Variants in GTF2B observed in about 807,000 individuals in gnomAD.
GTF2B encodes the protein general transcription factor IIB, also known as transcription initiation factor IIB.
GTF2B carries 20 observed loss-of-function variants against 34.6 expected under a neutral mutation model. The observed-to-expected ratio is 0.58, with a 90% CI of 0.41 to 0.84. GTF2B has a LOEUF of 0.84. Ranked by LOEUF, GTF2B falls within the 40% of genes least tolerant of loss-of-function variation. The probability of loss-of-function intolerance (pLI) is 0.00; values close to 1 mark genes in which losing one functional copy is unlikely to be tolerated. For synonymous variants in GTF2B, 142 were observed against 132.4 expected, an observed-to-expected ratio of 1.07 and a Z score of -0.50; for missense variants, 237 against 393.3, an observed-to-expected ratio of 0.60 and a Z score of 3.36.
Position 88,887,343 on chromosome 1 carries a change from T to A in GTF2B, c.42A>T (p.Thr14=). 3 of 1,609,488 alleles carry A rather than the reference T, an allele frequency of 1.9e-6. No homozygotes were observed. The highest frequency in any genetic ancestry group is 2.6e-6 in the Non-Finnish European group (3 of 1,175,780). The change falls in exon 2 of 7, where the codon ACA becomes ACT. Residue 14 remains threonine (T), a synonymous_variant. Coordinates refer to ENST00000370500, the MANE Select transcript of GTF2B (RefSeq NM_001514.6). The stretch of plus-strand genomic sequence containing the variant: ...AAATCGCATCTGGATGGTTTGGACA[T>A]GTGACTCTTGGAAGAGCATCCAAAC... The part of the protein sequence containing the change: ...TSRLDALPRV[T]CPNHPDAILV...
At chr1:88,883,654 T>A (rs1049719715) in intron 2 of GTF2B, among the ~76,000 whole-genome samples, 21 of 151,728 alleles carry the variant, frequency 1.4e-4, no homozygotes, top group Non-Finnish European at 2.7e-4. Flanking sequence ...AGAGTGAGAC[T>A]CTGTCTCAAA....
At position 88,856,209 on chromosome 1, in the gene GTF2B, A is replaced by G. The variant is rs529382012; in HGVS notation, c.817+997T>C. 2.1e-5 allele frequency among the ~76,000 whole-genome samples: 3 copies of G among 140,684 alleles called. No homozygotes were observed. In the East Asian group the frequency reaches 7.0e-4, roughly 33 times the overall value. The allele number at this position is 140,684 out of a possible 152,430, so 92.3% of individuals were successfully genotyped here. A position where few individuals can be genotyped will look rare whatever the true frequency, so the allele number is the denominator to read the frequency against. On this transcript the variant is annotated intron_variant, in intron 6 of 6. Transcript: ENST00000370500. ...AGCTTGTCCGGGAGGTGGAGGTTGC[A>G]GTAAGCTGAGATTGTGCCACTGTAC...
At chr1:88,886,696 A>G (rs140638278) in intron 2 of GTF2B, among the ~76,000 whole-genome samples, 1 of 152,308 alleles carries the variant, frequency 6.6e-6, no homozygotes, top group Non-Finnish European at 1.5e-5. Context: ...GACTTATGAA[A>G]TTACTGGGGC....
chr1:88,869,115 A>G (rs1047846207), intron 2 of GTF2B, among the ~76,000 whole-genome samples: 1 of 150,304 alleles, frequency 6.7e-6, no homozygotes, highest in African/African-American at 2.5e-5. Flanking sequence ...GCCTGTACTG[A>G]ACATGTACAG....
At chr1:88,855,872 TG>T (rs1395221344) in intron 6 of GTF2B, among the ~76,000 whole-genome samples, 1 of 152,286 alleles carries the variant, frequency 6.6e-6, no homozygotes. Flanking sequence ...GCCAGGAGGC[TG>T]GTCACCGCAC....
chr1:88,867,098 A>G (rs1391313853), intron 2 of GTF2B, among the ~76,000 whole-genome samples: 1 of 152,208 alleles, frequency 6.6e-6, no homozygotes, highest in Non-Finnish European at 1.5e-5. Flanking sequence ...TGCAGTGAGT[A>G]CTATTCACCA....
At chr1:88,880,328 C>A (rs929131590) in intron 2 of GTF2B, among the ~76,000 whole-genome samples, 3 of 152,094 alleles carry the variant, frequency 2.0e-5, no homozygotes, top group African/African-American at 7.2e-5. Context: ...AATATTTGCC[C>A]ACCTTGATTT....
At chr1:88,871,011 C>T (rs557880976) in intron 2 of GTF2B, among the ~76,000 whole-genome samples, 6 of 151,286 alleles carry the variant, frequency 4.0e-5, no homozygotes, top group African/African-American at 1.2e-4. Context: ...AAGCGATTCT[C>T]CTGCCTTGGC....
At chr1:88,872,455 TA>T (rs34668666) in intron 2 of GTF2B, among the ~76,000 whole-genome samples, 5,777 of 74,430 alleles carry the variant, frequency 0.078, 91 homozygotes, top group African/African-American at 0.14. Flanking sequence ...TCCATCTCAA[TA>T]AAAAAAAAAA....
At chr1:88,878,387 A>C (rs1329642675) in intron 2 of GTF2B, among the ~76,000 whole-genome samples, 1 of 152,252 alleles carries the variant, frequency 6.6e-6, no homozygotes, top group African/African-American at 2.4e-5. Context: ...TTTCAAATAA[A>C]AATCTTGTAA....
Position 88,855,359 on chromosome 1 carries a change from G to GTTTTTTT in GTF2B, c.817+1840_817+1846dup, listed in dbSNP as rs750561898. Among the ~76,000 whole-genome samples the GTTTTTTT allele has an allele frequency of 2.0e-4, 25 of 124,158 alleles. 1 individual carries two copies. The highest frequency in any genetic ancestry group is 7.0e-4 in the East Asian group (3 of 4,272). 81.5% of individuals were successfully genotyped at this position (124,158 alleles called of 152,430 possible). A position where few individuals can be genotyped will look rare whatever the true frequency, so the allele number is the denominator to read the frequency against. ...GGCCAGTAATTCACTTTCTGTTTTT[G>GTTTTTTT]TTTTTTTTTTTTTTTTTTGAGACAG... is the stretch of plus-strand genomic sequence containing the variant. On this transcript the variant is annotated intron_variant, in intron 6 of 6. Transcript: ENST00000370500.
chr1:88,877,753 G>A (rs984253389), intron 2 of GTF2B, among the ~76,000 whole-genome samples: 2 of 152,146 alleles, frequency 1.3e-5, no homozygotes, highest in Non-Finnish European at 2.9e-5. Context: ...CCTATATGGC[G>A]AAACCCTATC....
intron 2 of GTF2B, among the ~76,000 whole-genome samples, chr1:88,873,629 TGACCCA>T (rs1673749572): frequency 6.6e-6 from 1 of 152,240 alleles, no homozygotes; most frequent in African/African-American, 2.4e-5. Context: ...TAGGCTAGTA[TGACCCA>T]AGCTCCTTCT....
intron 2 of GTF2B, among the ~76,000 whole-genome samples, chr1:88,886,263 A>C (rs1235440047): frequency 2.0e-5 from 3 of 152,156 alleles, no homozygotes; most frequent in Non-Finnish European, 4.4e-5. Context: ...GCCACTACTA[A>C]TGCTTCTGTT....
chr1:88,882,354 A>G (rs1673971338), intron 2 of GTF2B, among the ~76,000 whole-genome samples: 1 of 146,422 alleles, frequency 6.8e-6, no homozygotes, highest in African/African-American at 2.5e-5. Flanking sequence ...AGAGGTTAGG[A>G]GAGCTAAGAA....
Position 88,864,058 on chromosome 1 carries a change from T to A in GTF2B, c.181A>T (p.Thr61Ser). 6.2e-7 allele frequency: 1 copy of A among 1,613,668 alleles called. No individual in the cohort carries two copies. Among genetic ancestry groups the A allele is most frequent in the East Asian group, 2.2e-5 (1 of 44,870 alleles). Residue 61 changes from threonine to serine, a missense_variant, in exon 3 of 7, where the codon ACA (threonine) becomes TCA (serine). Coordinates refer to ENST00000370500, the MANE Select transcript of GTF2B (RefSeq NM_001514.6). The stretch of plus-strand genomic sequence containing the variant: ...TCTCCAACTCGAGATGGATCTTTTG[T>A]TGCTTTGTCATTGCTGAAAGTTCGC... Reference protein sequence around the residue: ...EWRTFSNDKATKDPSRVGDSQ... With the variant: ...EWRTFSNDKASKDPSRVGDSQ...
At chr1:88,890,588 T>C (rs1018549691) in intron 1 of GTF2B, among the ~76,000 whole-genome samples, 7 of 152,162 alleles carry the variant, frequency 4.6e-5, no homozygotes, top group East Asian at 1.9e-4. Flanking sequence ...AGGAAACAGG[T>C]TGTCTTAGAC....
chr1:88,856,035 G>A (rs1474053301), intron 6 of GTF2B, among the ~76,000 whole-genome samples: 2 of 152,080 alleles, frequency 1.3e-5, no homozygotes, highest in Non-Finnish European at 2.9e-5. Flanking sequence ...ACTGGGAGGT[G>A]GAGGCAGGCG....
chr1:88,855,359 G>GTTT (rs750561898), intron 6 of GTF2B, among the ~76,000 whole-genome samples: 48 of 124,146 alleles, frequency 3.9e-4, no homozygotes, highest in African/African-American at 1.0e-3. Flanking sequence ...TTCTGTTTTT[G>GTTT]TTTTTTTTTT....
Sources: allele counts gnomAD v4.1 joint callset (sites outside exome capture counted in the v4.1 genomes callset), GRCh38; gene constraint gnomAD v4.1.1; transcripts MANE v1.5; gene names NCBI Gene and HGNC (gene_info 2026-07-23, HGNC 2026-07-21).